Variants in GABRG3 observed in about 807,000 individuals in gnomAD.
The protein encoded by GABRG3 is gamma-aminobutyric acid type A receptor subunit gamma3, also known as gamma-aminobutyric acid receptor subunit gamma-3.
In GABRG3, 25 loss-of-function variants were observed where a neutral mutation model predicts 48.8. The observed-to-expected ratio is 0.51, with a 90% CI of 0.37 to 0.72. The LOEUF (loss-of-function observed/expected upper bound fraction) is 0.72, where lower values mean the gene tolerates loss of function less well. Ranked by LOEUF, GABRG3 falls within the 30% of genes least tolerant of loss-of-function variation. The probability of loss-of-function intolerance (pLI) is 0.00; values close to 1 mark genes in which losing one functional copy is unlikely to be tolerated. For missense variants in GABRG3, 394 were observed against 577.9 expected (o/e 0.68, Z 3.26); for synonymous variants, 227 against 217.6 (o/e 1.04, Z -0.38).
At chr15:27,120,891 C>T (rs1897719380) in intron 3 of GABRG3, among the ~76,000 whole-genome samples, 1 of 152,172 alleles carries the variant, frequency 6.6e-6, no homozygotes, top group African/African-American at 2.4e-5. Context: ...GTTAATATCT[C>T]AGTACTCTTG....
intron 5 of GABRG3, among the ~76,000 whole-genome samples, chr15:27,348,187 C>T (rs2140533652): frequency 7.4e-6 from 1 of 135,572 alleles, no homozygotes; most frequent in African/African-American, 2.9e-5. Flanking sequence ...TTTTCAAAGG[C>T]AGGTGTCATT....
chr15:27,451,861 T>C (rs1013429631), intron 5 of GABRG3, among the ~76,000 whole-genome samples: 2 of 152,142 alleles, frequency 1.3e-5, no homozygotes, highest in Non-Finnish European at 2.9e-5. Context: ...AAGGGACACA[T>C]GGCTGCAACT....
At chr15:27,273,240 T>C (rs1891146504) in intron 3 of GABRG3, among the ~76,000 whole-genome samples, 1 of 152,084 alleles carries the variant, frequency 6.6e-6, no homozygotes, top group South Asian at 2.1e-4. Flanking sequence ...ATTTCAATCA[T>C]GTGTCTAATA....
intron 5 of GABRG3, among the ~76,000 whole-genome samples, chr15:27,390,924 AC>A (rs1464008558): frequency 6.6e-6 from 1 of 152,072 alleles, no homozygotes; most frequent in Non-Finnish European, 1.5e-5. Context: ...TGCCATCTCT[AC>A]TAAAAATACA....
intron 2 of GABRG3, among the ~76,000 whole-genome samples, chr15:26,992,731 A>C (rs990413174): frequency 6.6e-6 from 1 of 152,074 alleles, no homozygotes; most frequent in Non-Finnish European, 1.5e-5. Flanking sequence ...TATTGACTTC[A>C]TAGAATGAAT....
In GABRG3 at chr15:27,165,082, G is replaced by GA. The variant is rs530237993; in HGVS notation, c.270+138268dup. Among the ~76,000 whole-genome samples the GA allele has an allele frequency of 7.4e-4, 113 of 152,098 alleles. 1 individual carries two copies. The highest frequency in any genetic ancestry group is 2.6e-3 in the African/African-American group (110 of 41,518). ...CTGAATATTTTTACTAGTGAAATTT[G>GA]AAAAAAATATAGAATTTAGAATTTG... On this transcript the variant is annotated intron_variant, in intron 3 of 9. Coordinates refer to ENST00000615808, the MANE Select transcript of GABRG3 (RefSeq NM_033223.5).
chr15:27,334,158 G>T (rs1401017984), intron 5 of GABRG3, among the ~76,000 whole-genome samples: 1 of 152,018 alleles, frequency 6.6e-6, no homozygotes, highest in Admixed American at 6.6e-5. Context: ...TTAACTAAAC[G>T]ATGCAATATA....
intron 3 of GABRG3, chr15:27,208,152 A>C (rs1888925123): frequency 5.9e-6 from 1 of 168,628 alleles, no homozygotes. Context: ...CCAGGAACCC[A>C]TCATTGGGGC....
At chr15:27,305,497 T>C (rs1003218087) in intron 3 of GABRG3, among the ~76,000 whole-genome samples, 1 of 146,206 alleles carries the variant, frequency 6.8e-6, no homozygotes, top group South Asian at 2.2e-4. Context: ...TTTTTATATA[T>C]ATATAAACAT....
intron 3 of GABRG3, among the ~76,000 whole-genome samples, chr15:27,315,966 C>A (rs1037605512): frequency 2.0e-5 from 3 of 152,172 alleles, no homozygotes; most frequent in African/African-American, 7.2e-5. Flanking sequence ...GGGATGAGTT[C>A]TTTTTGTAAG....
intron 5 of GABRG3, among the ~76,000 whole-genome samples, chr15:27,455,725 G>T (rs945973754): frequency 4.0e-5 from 6 of 150,168 alleles, no homozygotes; most frequent in Non-Finnish European, 7.4e-5. Context: ...GCTATGTGTG[G>T]TTTGTGAGTT....
chr15:27,249,514 T>C (rs1393769331), intron 3 of GABRG3, among the ~76,000 whole-genome samples: 1 of 152,204 alleles, frequency 6.6e-6, no homozygotes, highest in Non-Finnish European at 1.5e-5. Flanking sequence ...GATGGGCAGC[T>C]GCCCCCGGTT....
At chr15:27,304,116 A>T (rs1383059364) in intron 3 of GABRG3, among the ~76,000 whole-genome samples, 1 of 151,948 alleles carries the variant, frequency 6.6e-6, no homozygotes, top group African/African-American at 2.4e-5. Context: ...AAAATCTTAT[A>T]GCTAAGAATA....
At chr15:27,239,544 G>A (rs762102485) in intron 3 of GABRG3, among the ~76,000 whole-genome samples, 2 of 152,120 alleles carry the variant, frequency 1.3e-5, no homozygotes, top group Non-Finnish European at 2.9e-5. Flanking sequence ...ACAAAGATGT[G>A]CCTGAATTTG....
chr15:27,060,478 T>C (rs1896625783), intron 3 of GABRG3, among the ~76,000 whole-genome samples: 1 of 152,244 alleles, frequency 6.6e-6, no homozygotes, highest in South Asian at 2.1e-4. Flanking sequence ...AAATCCCTGC[T>C]TGTAAGGACT....
At chr15:27,147,791 A>G (rs902419494) in intron 3 of GABRG3, among the ~76,000 whole-genome samples, 11 of 152,044 alleles carry the variant, frequency 7.2e-5, no homozygotes, top group Non-Finnish European at 1.3e-4. Context: ...GCAGAAACAC[A>G]GTATTCTAGA....
intron 4 of GABRG3, among the ~76,000 whole-genome samples, chr15:27,328,058 G>C (rs1298005559): frequency 6.6e-6 from 1 of 150,672 alleles, no homozygotes; most frequent in Non-Finnish European, 1.5e-5. Context: ...CAGCATTAAA[G>C]TTTCAGGGAA....
chr15:27,039,787 G>A lies in GABRG3; in HGVS notation c.270+12966G>A, dbSNP rs368350991. Among the ~76,000 whole-genome samples the A allele has an allele frequency of 4.8e-3, 728 of 152,312 alleles. 11 individuals carry two copies. The highest frequency in any genetic ancestry group is 0.017 in the African/African-American group (699 of 41,574). On this transcript the variant is annotated intron_variant, in intron 3 of 9. Coordinates refer to ENST00000615808, the MANE Select transcript of GABRG3 (RefSeq NM_033223.5). ...AAAGTAAATACCAGACCCTGTCGGT[G>A]TGCAGGAGGCACCCCTCGCTGTCAC...
intron 3 of GABRG3, among the ~76,000 whole-genome samples, chr15:27,096,894 G>A (rs1406285975): frequency 6.9e-6 from 1 of 145,182 alleles, no homozygotes; most frequent in Non-Finnish European, 1.5e-5. Flanking sequence ...AGGCTGGAGT[G>A]CAGTGGCCCA....
Sources: allele counts gnomAD v4.1 joint callset (sites outside exome capture counted in the v4.1 genomes callset), GRCh38; gene constraint gnomAD v4.1.1; transcripts MANE v1.5; gene names NCBI Gene and HGNC (gene_info 2026-07-23, HGNC 2026-07-21).